Variants in EDN1 observed in about 807,000 individuals in gnomAD.
EDN1 encodes endothelin-1.
EDN1 carries 11 observed loss-of-function variants against 21.7 expected under a neutral mutation model. The observed-to-expected ratio is 0.51, with a 90% CI of 0.32 to 0.84. The LOEUF (loss-of-function observed/expected upper bound fraction) is 0.84. EDN1 is among the 40% of genes least tolerant of loss of function. The probability of loss-of-function intolerance (pLI) is 0.03; values close to 1 mark genes in which losing one functional copy is unlikely to be tolerated. For missense variants in EDN1, 244 were observed against 262.3 expected (o/e 0.93, Z 0.48); for synonymous variants, 85 against 90.6 (o/e 0.94, Z 0.35).
the EDN1 span, among the ~76,000 whole-genome samples, chr6:12,256,382 A>AC: frequency 6.0e-5 from 9 of 150,752 alleles, no homozygotes; most frequent in East Asian, 2.0e-4. Context: ...CAAACAAAAG[A>AC]CCCCCCGCCC....
chr6:12,284,354 A>G, the EDN1 span, among the ~76,000 whole-genome samples: 5 of 152,274 alleles, frequency 3.3e-5, no homozygotes, highest in Non-Finnish European at 7.4e-5. Context: ...TTGATGTGCC[A>G]AAGAAACTTC....
At chr6:12,244,680 C>T in the EDN1 span, among the ~76,000 whole-genome samples, 1 of 152,188 alleles carries the variant, frequency 6.6e-6, no homozygotes, top group South Asian at 2.1e-4. Flanking sequence ...TTAGAGTATA[C>T]TGTAAGTGCT....
chr6:12,252,748 G>A, the EDN1 span, among the ~76,000 whole-genome samples: 139 of 152,198 alleles, frequency 9.1e-4, no homozygotes, highest in Non-Finnish European at 1.8e-3. Flanking sequence ...TTTCATGTGT[G>A]TATTCATGCA....
At chr6:12,269,304 C>A in the EDN1 span, among the ~76,000 whole-genome samples, 1 of 151,906 alleles carries the variant, frequency 6.6e-6, no homozygotes, top group South Asian at 2.1e-4. Context: ...TCCTCTTTTT[C>A]AATTTGAATG....
chr6:12,255,118 A>G, the EDN1 span, among the ~76,000 whole-genome samples: 1 of 152,234 alleles, frequency 6.6e-6, no homozygotes, highest in Non-Finnish European at 1.5e-5. Flanking sequence ...TATGAAGATG[A>G]AATGATTCTG....
the EDN1 span, among the ~76,000 whole-genome samples, chr6:12,272,603 A>G: frequency 6.7e-6 from 1 of 150,220 alleles, no homozygotes; most frequent in Non-Finnish European, 1.5e-5. Flanking sequence ...GATTGCAGGC[A>G]TGCGCCACTA....
the EDN1 span, among the ~76,000 whole-genome samples, chr6:12,269,511 G>C: frequency 6.6e-6 from 1 of 151,964 alleles, no homozygotes; most frequent in African/African-American, 2.4e-5. Flanking sequence ...TCTATTTGTT[G>C]AGAGTTTTTA....
At chr6:12,260,389 T>A in the EDN1 span, among the ~76,000 whole-genome samples, 2 of 152,202 alleles carry the variant, frequency 1.3e-5, no homozygotes, top group Admixed American at 6.6e-5. Context: ...TCCTCCCTAC[T>A]CTGAGTTCAA....
the EDN1 span, among the ~76,000 whole-genome samples, chr6:12,234,168 T>G: frequency 6.6e-6 from 1 of 152,234 alleles, no homozygotes; most frequent in Admixed American, 6.5e-5. Flanking sequence ...GATATCAAAC[T>G]TTAGAATCAA....
At chr6:12,260,894 G>C in the EDN1 span, among the ~76,000 whole-genome samples, 1 of 152,156 alleles carries the variant, frequency 6.6e-6, no homozygotes, top group African/African-American at 2.4e-5. Flanking sequence ...TGTATGAAAA[G>C]AGGGAGTGGT....
chr6:12,278,160 T>C, the EDN1 span, among the ~76,000 whole-genome samples: 1 of 152,222 alleles, frequency 6.6e-6, no homozygotes, highest in Non-Finnish European at 1.5e-5. Context: ...CTAAAAAGTA[T>C]CTAGGAAGAG....
the EDN1 span, among the ~76,000 whole-genome samples, chr6:12,259,388 A>G: frequency 2.0e-5 from 3 of 150,472 alleles, no homozygotes; most frequent in Non-Finnish European, 4.4e-5. Context: ...ATAATATTAA[A>G]TAATAAAAAA....
the EDN1 span, among the ~76,000 whole-genome samples, chr6:12,239,302 T>G: frequency 1.3e-5 from 2 of 152,220 alleles, no homozygotes; most frequent in Non-Finnish European, 2.9e-5. Context: ...ATAATAGGAT[T>G]GCTAATTATA....
At chr6:12,243,108 C>A in the EDN1 span, among the ~76,000 whole-genome samples, 1 of 151,840 alleles carries the variant, frequency 6.6e-6, no homozygotes, top group South Asian at 2.1e-4. Flanking sequence ...CATAAACAGC[C>A]AATTAACACC....
At chr6:12,236,434 A>C in the EDN1 span, among the ~76,000 whole-genome samples, 1 of 151,618 alleles carries the variant, frequency 6.6e-6, no homozygotes, top group Non-Finnish European at 1.5e-5. Flanking sequence ...TTTTTTTTGT[A>C]TTTTTAGTAG....
chr6:12,256,216 G>T, the EDN1 span, among the ~76,000 whole-genome samples: 11 of 152,242 alleles, frequency 7.2e-5, no homozygotes, highest in South Asian at 4.1e-4. Context: ...AGCCAGACAT[G>T]GTGGTGCACG....
chr6:12,232,142 TAA>T, the EDN1 span, among the ~76,000 whole-genome samples: 5 of 135,118 alleles, frequency 3.7e-5, no homozygotes, highest in African/African-American at 1.3e-4. Context: ...TATAATATAA[TAA>T]AGTGTTTATA....
chr6:12,295,978 AAC>A lies in EDN1; in HGVS notation c.552_553del (p.Asn184LysfsTer8). ...LRQTRSETMR[N>X]SVKSSFHDPK... ...CTTTATTAGGTCGGAGACCATGAGA[AAC>A]AGCGTCAAATCATCTTTTCATGATC... On this transcript the variant is annotated frameshift_variant, in exon 5 of 5. Transcript: ENST00000379375. LOFTEE classifies it high-confidence loss of function. The A allele has an allele frequency of 6.2e-7, 1 of 1,614,042 alleles. No homozygotes were observed. Among genetic ancestry groups the A allele is most frequent in the Non-Finnish European group, 8.5e-7 (1 of 1,179,962 alleles).
At chr6:12,292,997 T>G (rs1202042413) in intron 2 of EDN1, among the ~76,000 whole-genome samples, 1 of 152,218 alleles carries the variant, frequency 6.6e-6, no homozygotes, top group Non-Finnish European at 1.5e-5. Flanking sequence ...GGAGTGAGTT[T>G]GTAGCAGAGC....
Sources: gnomAD v4.1 joint callset for allele counts (sites outside exome capture counted in the v4.1 genomes callset) on GRCh38, gnomAD v4.1.1 for gene constraint, MANE v1.5 for transcripts, NCBI Gene and HGNC (gene_info 2026-07-23, HGNC 2026-07-21) for gene names.